MBD5: variants seen among roughly 807,000 people sequenced by gnomAD.
The protein encoded by MBD5 is methyl-CpG-binding domain protein 5.
Under a neutral mutation model 117.3 loss-of-function variants are expected in MBD5, and 13 were observed. The ratio of observed to expected loss-of-function variants is 0.11; its 90% CI spans 0.07 to 0.18. MBD5 has a LOEUF of 0.18. Among genes scored for constraint, MBD5 ranks in the 10% least tolerant of loss-of-function variants. The probability of loss-of-function intolerance (pLI) is 1.00; values close to 1 mark genes in which losing one functional copy is unlikely to be tolerated. For synonymous variants in MBD5, 727 were observed against 766.4 expected (o/e 0.95, Z 0.85); for missense variants, 1,879 against 2,093.8 (o/e 0.90, Z 2.00).
chr2:148,176,762 TATGAG>T (rs780208621), intron 1 of MBD5, among the ~76,000 whole-genome samples: 58 of 152,014 alleles, frequency 3.8e-4, no homozygotes, highest in Non-Finnish European at 5.4e-4. Flanking sequence ...TTTTAGTAGT[TATGAG>T]AGAGAGAGAG....
intron 1 of MBD5, among the ~76,000 whole-genome samples, chr2:148,142,501 G>A (rs1456148186): frequency 6.6e-6 from 1 of 152,114 alleles, no homozygotes; most frequent in Non-Finnish European, 1.5e-5. Context: ...ATCAAGTGTG[G>A]TGATAGAATA....
chr2:148,029,865 G>C (rs1312439584), intron 1 of MBD5, among the ~76,000 whole-genome samples: 1 of 152,126 alleles, frequency 6.6e-6, no homozygotes, highest in African/African-American at 2.4e-5. Flanking sequence ...AGAGGTATAA[G>C]TAACAGATCA....
intron 2 of MBD5, among the ~76,000 whole-genome samples, chr2:148,186,708 G>C (rs1698668172): frequency 1.3e-5 from 2 of 152,118 alleles, no homozygotes; most frequent in African/African-American, 4.8e-5. Context: ...AGCCAGATGG[G>C]AAGACAACTA....
intron 3 of MBD5, chr2:148,296,704 C>T (rs1321238072): frequency 6.5e-6 from 1 of 154,750 alleles, no homozygotes; most frequent in East Asian, 1.9e-4. Context: ...ACTTGCATTG[C>T]AAAGCATGGG....
At chr2:148,385,790 A>G (rs1243997331) in intron 4 of MBD5, among the ~76,000 whole-genome samples, 1 of 140,094 alleles carries the variant, frequency 7.1e-6, no homozygotes, top group African/African-American at 2.6e-5. Flanking sequence ...ATAAAAAAGG[A>G]TGAGTTCATG....
intron 3 of MBD5, among the ~76,000 whole-genome samples, chr2:148,322,038 T>C (rs1702295550): frequency 6.6e-6 from 1 of 152,230 alleles, no homozygotes; most frequent in African/African-American, 2.4e-5. Flanking sequence ...ATCCACACAA[T>C]TGTTGTGCAT....
chr2:148,108,480 G>A (rs1696426109), intron 1 of MBD5, among the ~76,000 whole-genome samples: 1 of 151,610 alleles, frequency 6.6e-6, no homozygotes, highest in African/African-American at 2.4e-5. Context: ...AGCCTTTTGT[G>A]GTCCCAGCAT....
At chr2:148,467,914 T>A (rs1680607771) in intron 7 of MBD5, among the ~76,000 whole-genome samples, 1 of 152,156 alleles carries the variant, frequency 6.6e-6, no homozygotes, top group Non-Finnish European at 1.5e-5. Flanking sequence ...AAACCACAAT[T>A]TTCTATTGTA....
chr2:148,411,729 A>G (rs1191948633), intron 4 of MBD5, among the ~76,000 whole-genome samples: 6 of 151,818 alleles, frequency 4.0e-5, no homozygotes, highest in Admixed American at 3.9e-4. Flanking sequence ...AGTTCCTTAT[A>G]GATTCTGGAT....
At chr2:148,359,184 T>G (rs765609153) in intron 4 of MBD5, among the ~76,000 whole-genome samples, 16 of 151,578 alleles carry the variant, frequency 1.1e-4, no homozygotes, top group Non-Finnish European at 1.5e-4. Context: ...TGAGAATCAC[T>G]TGAACTTGGG....
intron 6 of MBD5, 61 bp from the exon 7 acceptor site, chr2:148,463,678 G>C (rs953304742): frequency 7.0e-6 from 11 of 1,578,962 alleles, no homozygotes; most frequent in Non-Finnish European, 9.6e-6. Flanking sequence ...TTTAAACAAA[G>C]GGATCTTTTT....
chr2:148,214,235 T>C (rs907876639), intron 2 of MBD5, among the ~76,000 whole-genome samples: 1 of 152,210 alleles, frequency 6.6e-6, no homozygotes, highest in African/African-American at 2.4e-5. Context: ...CCCAGGTCTT[T>C]GTGGAGCTAC....
At chr2:148,067,093 TGC>T (rs1695219474) in intron 1 of MBD5, among the ~76,000 whole-genome samples, 1 of 152,174 alleles carries the variant, frequency 6.6e-6, no homozygotes, top group African/African-American at 2.4e-5. Flanking sequence ...TTCTGGTTAA[TGC>T]TAAGAAACAC....
chr2:148,133,747 C>T (rs921104535), intron 1 of MBD5, among the ~76,000 whole-genome samples: 8 of 152,142 alleles, frequency 5.3e-5, no homozygotes, highest in South Asian at 2.1e-4. Flanking sequence ...CGCTTGAACC[C>T]GGGAGGTGGA....
chr2:148,280,022 A>T (rs1701204248), intron 3 of MBD5, among the ~76,000 whole-genome samples: 1 of 150,656 alleles, frequency 6.6e-6, no homozygotes, highest in Non-Finnish European at 1.5e-5. Context: ...TCCTTTCATG[A>T]CATCTGTTGA....
At position 148,165,162 on chromosome 2, in the gene MBD5, G is replaced by A. The variant is rs561796824; in HGVS notation, c.-924-13538G>A. Reference sequence around the variant, plus strand: ...CTAAAAGATCCAATCTCTTTATTTCGTAGTTTGGAAGCAACACAGATCACT... The same window carrying A: ...CTAAAAGATCCAATCTCTTTATTTCATAGTTTGGAAGCAACACAGATCACT... On this transcript the variant is annotated intron_variant, in intron 1 of 13. Coordinates refer to ENST00000642680, the MANE Select transcript of MBD5 (RefSeq NM_001378120.1). Among the ~76,000 whole-genome samples, 7 of 152,086 alleles carry A rather than the reference G, an allele frequency of 4.6e-5. 1 individual carries two copies. In the South Asian group the frequency reaches 8.3e-4, roughly 18 times the overall value.
chr2:148,469,540 C>G lies in MBD5; in HGVS notation c.1597C>G (p.Leu533Val). ...ATTAATTGCTGGAATAAGTAATGTA[C>G]TAAATACCCCAAGCAGTGCAGCTTT... Reference protein sequence around the residue: ...NPLIAGISNVLNTPSSAAFPT... With the variant: ...NPLIAGISNVVNTPSSAAFPT... Residue 533 changes from leucine (L) to valine (V), a missense_variant, in exon 8 of 14, where the codon CTA becomes GTA. This residue lies in a region of MBD5 where 1,666 missense variants were observed against 1,792.2 expected (regional missense o/e 0.93). Coordinates refer to ENST00000642680, the MANE Select transcript of MBD5 (RefSeq NM_001378120.1). The G allele has an allele frequency of 6.2e-7, 1 of 1,613,794 alleles. No individual in the cohort carries two copies. The highest frequency in any genetic ancestry group is 8.5e-7 in the Non-Finnish European group (1 of 1,179,924).
chr2:148,383,454 G>A (rs1704226026), intron 4 of MBD5, among the ~76,000 whole-genome samples: 1 of 152,110 alleles, frequency 6.6e-6, no homozygotes, highest in Non-Finnish European at 1.5e-5. Flanking sequence ...TGAGATTGAG[G>A]CAATAATTAA....
intron 3 of MBD5, among the ~76,000 whole-genome samples, chr2:148,322,849 TTTA>T (rs916291897): frequency 1.3e-5 from 2 of 151,900 alleles, no homozygotes; most frequent in African/African-American, 2.4e-5. Flanking sequence ...TATTTATTTA[TTTA>T]TTATTATTAT....
Sources: allele counts gnomAD v4.1 joint callset (sites outside exome capture counted in the v4.1 genomes callset), GRCh38; gene constraint gnomAD v4.1.1; regional missense constraint gnomAD v4.1.1; transcripts MANE v1.5; gene names NCBI Gene and HGNC (gene_info 2026-07-23, HGNC 2026-07-21).